TCF7: variants seen among roughly 807,000 people sequenced by gnomAD.
TCF7 encodes T-cell-factor-7.
TCF7 carries 19 observed loss-of-function variants against 46.8 expected under a neutral mutation model. The observed-to-expected ratio is 0.41, with a 90% CI of 0.28 to 0.60. The LOEUF is 0.60. Among genes scored for constraint, TCF7 ranks in the 20% least tolerant of loss-of-function variants. The pLI is 0.35. For missense variants in TCF7, 547 were observed against 504.6 expected (o/e 1.08, Z -0.81); for synonymous variants, 245 against 213.4 (o/e 1.15, Z -1.29).
At chr5:134,118,217 G>A (rs934143350) in intron 3 of TCF7, among the ~76,000 whole-genome samples, 5 of 152,186 alleles carry the variant, frequency 3.3e-5, no homozygotes, top group African/African-American at 1.2e-4. Context: ...CTTGGGTCAG[G>A]AGCCCCTTGC....
At position 134,146,446 on chromosome 5, in the gene TCF7, GC is replaced by G. The variant is rs1044362164; in HGVS notation, c.*148del. The G allele has an allele frequency of 2.2e-6, 2 of 897,048 alleles. No homozygotes were observed. Among genetic ancestry groups the G allele is most frequent in the African/African-American group, 1.6e-5 (1 of 60,730 alleles). The allele number at this position is 897,048 out of a possible 1,614,324, so 55.6% of individuals were successfully genotyped here. ...CTGCTCTCAGCCTCCCAACCCCAGG[GC>G]CCCCACAGGCCCCCCGCAGCACCCT... On this transcript the variant is annotated 3_prime_UTR_variant, in exon 10 of 10. Transcript: ENST00000342854.
chr5:134,123,768 C>T (rs762820386), intron 3 of TCF7: 18 of 456,258 alleles, frequency 3.9e-5, no homozygotes, highest in Middle Eastern at 3.3e-4. Flanking sequence ...TAGGGCAAGG[C>T]GGTACCCACC....
intron 3 of TCF7, among the ~76,000 whole-genome samples, chr5:134,124,659 T>G (rs1284918218): frequency 6.6e-6 from 1 of 151,626 alleles, no homozygotes; most frequent in African/African-American, 2.4e-5. Context: ...ATAAGCTTCC[T>G]CCTAACCCCC....
At position 134,138,095 on chromosome 5, in the gene TCF7, C is replaced by T. The variant is rs1235497461; in HGVS notation, c.478C>T (p.Leu160Phe). 6.2e-7 allele frequency: 1 copy of T among 1,611,548 alleles called. No homozygotes were observed. The highest frequency in any genetic ancestry group is 1.7e-5 in the Admixed American group (1 of 59,664). Residue 160 changes from leucine to phenylalanine, a missense_variant, in exon 4 of 10, where the codon CTC (leucine) becomes TTC (phenylalanine). Coordinates refer to ENST00000342854, the MANE Select transcript of TCF7 (RefSeq NM_003202.5). ...TCAGCCCCCCCACGGTGTCCCCCAA[C>T]TCTCTCTCTACGAACATTTCAACAG... Reference protein sequence around the residue: ...ANQPPHGVPQLSLYEHFNSPH... With the variant: ...ANQPPHGVPQFSLYEHFNSPH...
intron 3 of TCF7, among the ~76,000 whole-genome samples, chr5:134,119,324 G>A (rs1756262549): frequency 6.6e-6 from 1 of 152,190 alleles, no homozygotes; most frequent in Non-Finnish European, 1.5e-5. Context: ...CTTGCCAGGG[G>A]CTGACGGAAG....
chr5:134,136,417 G>A (rs562284327), intron 3 of TCF7, among the ~76,000 whole-genome samples: 2 of 152,250 alleles, frequency 1.3e-5, no homozygotes, highest in Non-Finnish European at 2.9e-5. Flanking sequence ...GGCTCCTCCC[G>A]GTGGGCAGAT....
intron 9 of TCF7, chr5:134,145,945 G>A (rs1760632617): frequency 1.3e-6 from 2 of 1,486,120 alleles, no homozygotes; most frequent in Admixed American, 2.3e-5. Flanking sequence ...TCCCTTGGAA[G>A]ACAGGAGAGA....
chr5:134,112,139 G>T (rs1266628510), upstream of TCF7, among the ~76,000 whole-genome samples: 1 of 152,152 alleles, frequency 6.6e-6, no homozygotes, highest in Non-Finnish European at 1.5e-5. Flanking sequence ...TTCCTTTCCA[G>T]CTTTCCAAAC....
intron 3 of TCF7, among the ~76,000 whole-genome samples, chr5:134,116,725 G>C (rs1254306813): frequency 7.2e-5 from 11 of 152,236 alleles, no homozygotes; most frequent in African/African-American, 2.7e-4. Context: ...AAGATTTCAT[G>C]ATCTTTACAA....
Position 134,137,425 on chromosome 5 carries a change from C to CAA in TCF7, c.442-613_442-612dup, listed in dbSNP as rs752883165. 9.2e-3 allele frequency among the ~76,000 whole-genome samples: 511 copies of CAA among 55,422 alleles called. 8 individuals are homozygous for CAA. Among genetic ancestry groups the CAA allele is most frequent in the Non-Finnish European group, 0.013 (317 of 24,272 alleles). The allele number at this position is 55,422 out of a possible 152,430, so 36.4% of individuals were successfully genotyped here. A position where few individuals can be genotyped will look rare whatever the true frequency, so the allele number is the denominator to read the frequency against. On this transcript the variant is annotated intron_variant, in intron 3 of 9. Transcript: ENST00000342854. ...TGGGCCACAGAGTGAGACTCTGTCT[C>CAA]AAAAAAAAAAAAAAAAAAAAAACAG...
intron 3 of TCF7, among the ~76,000 whole-genome samples, chr5:134,132,743 G>A (rs1372733647): frequency 6.9e-6 from 1 of 143,898 alleles, no homozygotes; most frequent in Non-Finnish European, 1.5e-5. Flanking sequence ...GTTGGGGGGT[G>A]CGGGTTGGGG....
chr5:134,138,355 G>C, intron 4 of TCF7, 191 bp downstream of exon 4: 1 of 567,404 alleles, frequency 1.8e-6, no homozygotes, highest in Non-Finnish European at 3.1e-6. Context: ...AAAAGGTGGT[G>C]CTAGGTCAAA....
At chr5:134,114,383 G>A (rs1299284317), upstream of TCF7, among the ~76,000 whole-genome samples, 1 of 152,170 alleles carries the variant, frequency 6.6e-6, no homozygotes, top group East Asian at 1.9e-4. Context: ...CAAGGGCCTA[G>A]GGGACCCCCG....
intron 3 of TCF7, among the ~76,000 whole-genome samples, chr5:134,126,816 G>A (rs1580829364): frequency 6.6e-6 from 1 of 151,996 alleles, no homozygotes; most frequent in East Asian, 1.9e-4. Flanking sequence ...AGAATCGCAT[G>A]AACCTGGGAG....
intron 6 of TCF7, 53 bp from the exon 7 acceptor site, chr5:134,142,668 A>C (rs152401): frequency 0.18 from 294,585 of 1,598,804 alleles, 35,242 homozygotes; most frequent in Admixed American, 0.46. Context: ...AGGAGGCTGC[A>C]ATTAGGTGGG....
chr5:134,120,922 C>T (rs900834740), intron 3 of TCF7, among the ~76,000 whole-genome samples: 3 of 152,224 alleles, frequency 2.0e-5, no homozygotes, highest in East Asian at 1.9e-4. Context: ...GGTGCCAGTG[C>T]GGCCTGGCCA....
intron 9 of TCF7, chr5:134,145,722 A>G (rs1428183444): frequency 6.2e-7 from 1 of 1,613,486 alleles, no homozygotes; most frequent in African/African-American, 1.3e-5. Context: ...GGGAAGTTCT[A>G]TTCCATTCAT....
At chr5:134,130,461 G>A (rs1246893735) in intron 3 of TCF7, among the ~76,000 whole-genome samples, 1 of 152,248 alleles carries the variant, frequency 6.6e-6, no homozygotes, top group Admixed American at 6.5e-5. Flanking sequence ...GGGGAGCTGG[G>A]CCAAGGGCTG....
Position 134,147,789 on chromosome 5 carries a change from A to AACAT in TCF7, c.*1487_*1490dup, listed in dbSNP as rs1189390434. On this transcript the variant is annotated 3_prime_UTR_variant, in exon 10 of 10. Transcript: ENST00000342854. The stretch of plus-strand genomic sequence containing the variant: ...TCAGTAGTTTGAGACCAGCCTGGCC[A>AACAT]ACATGGTGAAACCCTGTATCTACTA... The AACAT allele has an allele frequency of 6.6e-6, 1 of 152,142 alleles. No individual in the cohort carries two copies. The highest frequency in any genetic ancestry group is 1.5e-5 in the Non-Finnish European group (1 of 68,030). The allele number at this position is 152,142 out of a possible 1,614,324, so 9.4% of individuals were successfully genotyped here.
Sources: gnomAD v4.1 joint callset for allele counts (sites outside exome capture counted in the v4.1 genomes callset) on GRCh38, gnomAD v4.1.1 for gene constraint, MANE v1.5 for transcripts, NCBI Gene and HGNC (gene_info 2026-07-23, HGNC 2026-07-21) for gene names.